NKAIN2: variants seen among roughly 807,000 people sequenced by gnomAD.
NKAIN2 encodes the protein sodium/potassium transporting ATPase interacting 2, also known as sodium/potassium-transporting ATPase subunit beta-1-interacting protein 2.
In NKAIN2, 14 loss-of-function variants were observed where a neutral mutation model predicts 32.6. That is an observed-to-expected ratio of 0.43 (90% confidence interval 0.28 to 0.67). NKAIN2 has a LOEUF of 0.67. Among genes scored for constraint, NKAIN2 ranks in the 30% least tolerant of loss-of-function variants. The pLI, the probability that NKAIN2 is intolerant of heterozygous loss-of-function variation, is 0.17. For missense variants in NKAIN2, 198 were observed against 258.3 expected, an observed-to-expected ratio of 0.77 and a Z score of 1.60; for synonymous variants, 80 against 87.2, an observed-to-expected ratio of 0.92 and a Z score of 0.46.
At chr6:124,409,480 A>G (rs1488857659) in intron 3 of NKAIN2, among the ~76,000 whole-genome samples, 2 of 152,128 alleles carry the variant, frequency 1.3e-5, no homozygotes, top group Non-Finnish European at 1.5e-5. Context: ...GGTTCTGTTT[A>G]TATGCTGTAT....
chr6:124,726,335 T>C (rs1431148846), intron 4 of NKAIN2, among the ~76,000 whole-genome samples: 9 of 152,170 alleles, frequency 5.9e-5, no homozygotes, highest in South Asian at 2.1e-4. Context: ...AGAGCAGTGG[T>C]TCTCCCAGCA....
At position 124,305,026 on chromosome 6, in the gene NKAIN2, C is replaced by T. The variant is rs891003420; in HGVS notation, c.192+21884C>T. On this transcript the variant is annotated intron_variant, in intron 2 of 6. Coordinates refer to ENST00000368417, the MANE Select transcript of NKAIN2 (RefSeq NM_001040214.3). Reference sequence around the variant, plus strand: ...GATTGCTGTAGGTTAATATGGAATCCGAGATGATGAAGGATTTTGGTACAC... The same window carrying T: ...GATTGCTGTAGGTTAATATGGAATCTGAGATGATGAAGGATTTTGGTACAC... Among the ~76,000 whole-genome samples, 8 of 151,620 alleles carry T rather than the reference C, an allele frequency of 5.3e-5. No homozygotes were observed. The East Asian group carries it at 1.2e-3, about 22-fold the overall frequency.
intron 1 of NKAIN2, among the ~76,000 whole-genome samples, chr6:124,110,796 T>G (rs986102407): frequency 6.6e-6 from 1 of 152,180 alleles, no homozygotes; most frequent in African/African-American, 2.4e-5. Context: ...CAACCCACCA[T>G]GAGTGGGCAC....
intron 4 of NKAIN2, among the ~76,000 whole-genome samples, chr6:124,679,970 C>T (rs987620895): frequency 3.3e-5 from 5 of 152,038 alleles, no homozygotes; most frequent in African/African-American, 9.7e-5. Context: ...ATAACAGAAA[C>T]CACTGTAAGT....
At chr6:124,541,432 T>G (rs139331541) in intron 3 of NKAIN2, among the ~76,000 whole-genome samples, 1 of 152,142 alleles carries the variant, frequency 6.6e-6, no homozygotes, top group African/African-American at 2.4e-5. Flanking sequence ...ATATAGAGGG[T>G]TAGTCCATTG....
At chr6:123,872,608 AT>A (rs1392370659) in intron 1 of NKAIN2, among the ~76,000 whole-genome samples, 1 of 152,240 alleles carries the variant, frequency 6.6e-6, no homozygotes. Context: ...ACATTATTTT[AT>A]AAAAATTAGC....
At chr6:124,169,897 T>C (rs1300255772) in intron 1 of NKAIN2, among the ~76,000 whole-genome samples, 1 of 152,150 alleles carries the variant, frequency 6.6e-6, no homozygotes, top group Non-Finnish European at 1.5e-5. Flanking sequence ...GGTCAAATGC[T>C]CAGCCTTAAA....
intron 4 of NKAIN2, among the ~76,000 whole-genome samples, chr6:124,705,593 T>A (rs1049990935): frequency 1.3e-5 from 2 of 152,104 alleles, no homozygotes; most frequent in Non-Finnish European, 2.9e-5. Context: ...TGAGATGTTA[T>A]CAGTAGCATT....
chr6:124,790,845 G>A (rs1779715735), intron 4 of NKAIN2, among the ~76,000 whole-genome samples: 1 of 152,058 alleles, frequency 6.6e-6, no homozygotes, highest in Non-Finnish European at 1.5e-5. Flanking sequence ...TACTCAGTAT[G>A]CCCTGGCTCC....
chr6:124,324,208 T>A (rs916755819), intron 2 of NKAIN2, among the ~76,000 whole-genome samples: 1 of 152,214 alleles, frequency 6.6e-6, no homozygotes, highest in African/African-American at 2.4e-5. Context: ...ATAATTGGCA[T>A]CTTTACTACG....
chr6:124,754,206 AGC>A (rs1777856887), intron 4 of NKAIN2, among the ~76,000 whole-genome samples: 1 of 152,090 alleles, frequency 6.6e-6, no homozygotes, highest in Non-Finnish European at 1.5e-5. Context: ...CAATGACTTC[AGC>A]TGGTATTTAT....
At chr6:123,911,799 A>ATATATGTATATATATATATATG (rs1562253388) in intron 1 of NKAIN2, among the ~76,000 whole-genome samples, 51 of 99,298 alleles carry the variant, frequency 5.1e-4, no homozygotes, top group African/African-American at 2.2e-3. Context: ...ATATATATAT[A>ATATATGTATATATATATATATG]TGTATATATA....
chr6:124,280,201 G>A (rs1795228632), intron 1 of NKAIN2, among the ~76,000 whole-genome samples: 1 of 152,024 alleles, frequency 6.6e-6, no homozygotes, highest in Non-Finnish European at 1.5e-5. Flanking sequence ...GGCAAAATCA[G>A]ATTAACACTG....
chr6:124,344,015 A>G (rs372582704), intron 2 of NKAIN2, among the ~76,000 whole-genome samples: 2 of 152,068 alleles, frequency 1.3e-5, no homozygotes, highest in Non-Finnish European at 2.9e-5. Context: ...TGTATAAGGT[A>G]TAAGGAAGGC....
intron 1 of NKAIN2, among the ~76,000 whole-genome samples, chr6:123,991,157 CTT>C (rs1454588957): frequency 5.2e-4 from 79 of 152,116 alleles, no homozygotes; most frequent in Non-Finnish European, 2.9e-5. Flanking sequence ...AAAAGATTGA[CTT>C]GAGCCAATTT....
intron 3 of NKAIN2, among the ~76,000 whole-genome samples, chr6:124,488,913 TG>T (rs1777756346): frequency 6.6e-6 from 1 of 151,880 alleles, no homozygotes; most frequent in African/African-American, 2.4e-5. Flanking sequence ...TTGAATAAAA[TG>T]GGAAGAGGTA....
intron 1 of NKAIN2, among the ~76,000 whole-genome samples, chr6:123,976,930 C>T (rs1400858646): frequency 2.1e-5 from 3 of 142,854 alleles, no homozygotes; most frequent in East Asian, 4.4e-4. Context: ...TAGTAATGTT[C>T]ACTGTCCTTA....
intron 3 of NKAIN2, among the ~76,000 whole-genome samples, chr6:124,577,305 G>A (rs1157284599): frequency 1.3e-5 from 2 of 152,102 alleles, no homozygotes; most frequent in Non-Finnish European, 2.9e-5. Context: ...CAAGGAAGAG[G>A]AAAGGAAAGA....
chr6:124,726,268 C>T (rs28831491), intron 4 of NKAIN2, among the ~76,000 whole-genome samples: 55,143 of 149,308 alleles, frequency 0.37, 9,699 homozygotes, highest in African/African-American at 0.39. Context: ...CACAGACAAA[C>T]AAAAAGACAG....
Sources: gnomAD v4.1 joint callset for allele counts (sites outside exome capture counted in the v4.1 genomes callset) on GRCh38, gnomAD v4.1.1 for gene constraint, MANE v1.5 for transcripts, NCBI Gene and HGNC (gene_info 2026-07-23, HGNC 2026-07-21) for gene names.